Variants in SLC25A13 observed in about 807,000 individuals in gnomAD.
SLC25A13 encodes the protein solute carrier family 25 member 13, also known as electrogenic aspartate/glutamate antiporter SLC25A13, mitochondrial.
SLC25A13 carries 70 observed loss-of-function variants against 85.5 expected under a neutral mutation model. The ratio of observed to expected loss-of-function variants is 0.82; its 90% CI spans 0.68 to 1.00. The LOEUF is 1.00. Among genes scored for constraint, SLC25A13 ranks in the 50% least tolerant of loss-of-function variants. The probability of loss-of-function intolerance (pLI) is 0.00; values close to 1 mark genes in which losing one functional copy is unlikely to be tolerated. For synonymous variants in SLC25A13, 259 were observed against 288.7 expected (o/e 0.90, Z 1.04); for missense variants, 765 against 819.8 (o/e 0.93, Z 0.82).
chr7:96,247,986 C>T (rs1008654373), intron 3 of SLC25A13, among the ~76,000 whole-genome samples: 6 of 151,362 alleles, frequency 4.0e-5, no homozygotes, highest in African/African-American at 7.3e-5. Flanking sequence ...AAAGAGTAGC[C>T]GCTGTCTCAA....
Position 96,294,499 on chromosome 7 carries a change from C to T in SLC25A13, c.69+2399G>A, listed in dbSNP as rs1799266185. Among the ~76,000 whole-genome samples, 3 of 151,818 alleles carry T rather than the reference C, an allele frequency of 2.0e-5. No homozygotes were observed. The South Asian group carries it at 6.2e-4, about 32-fold the overall frequency. On this transcript the variant is annotated intron_variant, in intron 2 of 17. Transcript: ENST00000265631. ...TGGTACATGCCTATAATCCCAGCTACTCGGGAGGCTGAGGCATGAGAATCA... is the reference window on the plus strand; with the variant it reads ...TGGTACATGCCTATAATCCCAGCTATTCGGGAGGCTGAGGCATGAGAATCA...
At position 96,229,106 on chromosome 7, in the gene SLC25A13, G is replaced by T. The variant is rs543275514; in HGVS notation, c.328+5696C>A. On this transcript the variant is annotated intron_variant, in intron 4 of 17. Coordinates refer to ENST00000265631, the MANE Select transcript of SLC25A13 (RefSeq NM_014251.3). ...GCTGAGGAGTGCAGGCGCATGGCGT[G>T]GGACTGATGGGCAGCTCCGCCCGCA... Among the ~76,000 whole-genome samples, 3 of 152,342 alleles carry T rather than the reference G, an allele frequency of 2.0e-5. No homozygotes were observed. The East Asian group carries it at 5.8e-4, about 29-fold the overall frequency.
chr7:96,299,783 T>G (rs1485039696), intron 1 of SLC25A13, among the ~76,000 whole-genome samples: 3 of 152,246 alleles, frequency 2.0e-5, no homozygotes, highest in Non-Finnish European at 4.4e-5. Flanking sequence ...CTAGATGGTG[T>G]AGCCTACTAC....
chr7:96,265,426 T>A (rs1299491456), intron 3 of SLC25A13, among the ~76,000 whole-genome samples: 2 of 152,194 alleles, frequency 1.3e-5, no homozygotes, highest in African/African-American at 4.8e-5. Flanking sequence ...AAGTCATTCT[T>A]TCAAATAAGA....
At chr7:96,150,579 A>G (rs186416263) in intron 13 of SLC25A13, among the ~76,000 whole-genome samples, 9 of 152,228 alleles carry the variant, frequency 5.9e-5, no homozygotes, top group African/African-American at 1.4e-4. Context: ...TAAAAGAGAA[A>G]TTAAGTTAAA....
chr7:96,138,057 T>C (rs1426543852), intron 14 of SLC25A13, among the ~76,000 whole-genome samples: 2 of 152,238 alleles, frequency 1.3e-5, no homozygotes, highest in South Asian at 2.1e-4. Context: ...TCATTAAGGT[T>C]CTACTGGTGA....
chr7:96,302,437 G>T (rs1255091680), intron 1 of SLC25A13, among the ~76,000 whole-genome samples: 1 of 152,140 alleles, frequency 6.6e-6, no homozygotes, highest in Non-Finnish European at 1.5e-5. Context: ...GGTATAGAAT[G>T]GTGTATTCAA....
At chr7:96,261,869 G>A (rs902962552) in intron 3 of SLC25A13, among the ~76,000 whole-genome samples, 1 of 152,178 alleles carries the variant, frequency 6.6e-6, no homozygotes, top group Non-Finnish European at 1.5e-5. Flanking sequence ...GGCATCACAT[G>A]GGCAAGGGAA....
intron 1 of SLC25A13, among the ~76,000 whole-genome samples, chr7:96,308,285 C>A (rs1028369270): frequency 6.6e-6 from 1 of 152,166 alleles, no homozygotes. Context: ...GACAATCTAG[C>A]AGCGCCTTGC....
At position 96,185,499 on chromosome 7, in the gene SLC25A13, G is replaced by A. The variant is rs191326965; in HGVS notation, c.934-488C>T. On this transcript the variant is annotated intron_variant, in intron 9 of 17. Transcript: ENST00000265631. ...CTGTAGTCTCAGCTACTCAGGCTGA[G>A]GAGGGAGAATCACTTGAGCCCAGGG... Among the ~76,000 whole-genome samples the A allele has an allele frequency of 3.6e-3, 545 of 152,272 alleles. 2 individuals are homozygous for A. Among genetic ancestry groups the A allele is most frequent in the Non-Finnish European group, 6.0e-3 (406 of 68,030 alleles).
intron 2 of SLC25A13, among the ~76,000 whole-genome samples, chr7:96,291,961 G>A (rs1025614066): frequency 6.6e-6 from 1 of 152,124 alleles, no homozygotes; most frequent in Non-Finnish European, 1.5e-5. Flanking sequence ...CCAAAGCCTG[G>A]CAGAGACACA....
At chr7:96,279,667 T>C (rs1035696732) in intron 2 of SLC25A13, among the ~76,000 whole-genome samples, 1 of 152,142 alleles carries the variant, frequency 6.6e-6, no homozygotes, top group Admixed American at 6.5e-5. Context: ...GAAATTTGGG[T>C]GGGGACACAG....
At chr7:96,235,519 T>C (rs1454628790) in intron 3 of SLC25A13, among the ~76,000 whole-genome samples, 1 of 152,136 alleles carries the variant, frequency 6.6e-6, no homozygotes, top group Non-Finnish European at 1.5e-5. Context: ...CAAGAACTAG[T>C]ATGGTAATAA....
At chr7:96,127,586 T>C (rs889903072) in intron 15 of SLC25A13, among the ~76,000 whole-genome samples, 18 of 152,246 alleles carry the variant, frequency 1.2e-4, no homozygotes, top group African/African-American at 4.1e-4. Flanking sequence ...ATAACATTAC[T>C]GAATAATTGA....
intron 4 of SLC25A13, among the ~76,000 whole-genome samples, chr7:96,222,205 T>A (rs73710230): frequency 0.023 from 3,465 of 152,256 alleles, 121 homozygotes; most frequent in African/African-American, 0.079. Context: ...TACAATATAT[T>A]TCAATAGTGA....
At chr7:96,216,708 G>A (rs1226821760) in intron 4 of SLC25A13, among the ~76,000 whole-genome samples, 2 of 152,034 alleles carry the variant, frequency 1.3e-5, no homozygotes, top group African/African-American at 4.8e-5. Context: ...GAGAACACAC[G>A]GACACAGAGG....
chr7:96,248,105 A>G (rs1797275122), intron 3 of SLC25A13, among the ~76,000 whole-genome samples: 1 of 152,170 alleles, frequency 6.6e-6, no homozygotes, highest in Non-Finnish European at 1.5e-5. Context: ...CTCCCAAACC[A>G]AGGAATTATG....
intron 9 of SLC25A13, among the ~76,000 whole-genome samples, chr7:96,187,103 G>C (rs1278580691): frequency 6.6e-6 from 1 of 152,150 alleles, no homozygotes; most frequent in Non-Finnish European, 1.5e-5. Flanking sequence ...ACATTTCAGA[G>C]TGCTGCACTT....
chr7:96,161,239 T>A (rs185504677), intron 13 of SLC25A13, among the ~76,000 whole-genome samples: 1 of 152,326 alleles, frequency 6.6e-6, no homozygotes, highest in East Asian at 1.9e-4. Context: ...AGGAGCCTTA[T>A]AAAGGTTGGT....
Sources: allele counts gnomAD v4.1 joint callset (sites outside exome capture counted in the v4.1 genomes callset), GRCh38; gene constraint gnomAD v4.1.1; transcripts MANE v1.5; gene names NCBI Gene and HGNC (gene_info 2026-07-23, HGNC 2026-07-21).